CTC1: variants seen among roughly 807,000 people sequenced by gnomAD.
CTC1 encodes CST telomere replication complex component 1, also known as CST complex subunit CTC1.
In CTC1, 91 loss-of-function variants were observed where a neutral mutation model predicts 136.3. That is an observed-to-expected ratio of 0.67 (90% CI 0.56 to 0.79). The LOEUF (loss-of-function observed/expected upper bound fraction) is 0.79, where lower values mean the gene tolerates loss of function less well. CTC1 is among the 30% of genes least tolerant of loss of function. The pLI is 0.00. For missense variants in CTC1, 1,432 were observed against 1,498.1 expected, an observed-to-expected ratio of 0.96 and a Z score of 0.73; for synonymous variants, 606 against 613.8, an observed-to-expected ratio of 0.99 and a Z score of 0.19.
rs564713162 is a variant in CTC1 at position 8,226,153 on chromosome 17, A to C, written c.*2027T>G. ...GTGGGTGCTATGAGTGCAGAACAGA[A>C]ACTCTTACGCGTTCTGATATAAAAA... On this transcript the variant is annotated 3_prime_UTR_variant, in exon 23 of 23. Coordinates refer to ENST00000651323, the MANE Select transcript of CTC1 (RefSeq NM_025099.6). 1.0e-3 allele frequency: 155 copies of C among 152,272 alleles called. No individual in the cohort carries two copies. Among genetic ancestry groups the C allele is most frequent in the African/African-American group, 3.2e-3 (134 of 41,542 alleles). 9.4% of individuals were successfully genotyped at this position (152,272 alleles called of 1,614,324 possible).
At chr17:8,235,443 C>T (rs1467303461) in intron 7 of CTC1, 158 bp from the exon 8 acceptor site, 2 of 624,042 alleles carry the variant, frequency 3.2e-6, no homozygotes, top group Non-Finnish European at 5.6e-6. Flanking sequence ...CAACCCACTC[C>T]CGCTGCGGTC....
intron 2 of CTC1, among the ~76,000 whole-genome samples, chr17:8,239,489 T>C (rs1233514622): frequency 6.6e-6 from 1 of 152,168 alleles, no homozygotes; most frequent in East Asian, 1.9e-4. Context: ...TTCACCTTTT[T>C]GTAATACCAT....
In CTC1 at chr17:8,232,044, G is replaced by A. The variant is rs758516017; in HGVS notation, c.2244C>T (p.Val748=). The A allele has an allele frequency of 5.7e-6, 9 of 1,575,632 alleles. No individual in the cohort carries two copies. The Admixed American group carries it at 9.8e-5, about 17-fold the overall frequency. Residue 748 remains valine (V), a synonymous_variant, in exon 13 of 23, where the codon GTC becomes GTT. Coordinates refer to ENST00000651323, the MANE Select transcript of CTC1 (RefSeq NM_025099.6). ...GCACCTCTGGACTTGCTCCTGGGGGGACACAAAAATTACGCTTCATGAGGG... is the reference window on the plus strand; with the variant it reads ...GCACCTCTGGACTTGCTCCTGGGGGAACACAAAAATTACGCTTCATGAGGG... ...KEALMKRNFC[V]PPGASPEVPK...
intron 18 of CTC1, 87 bp downstream of exon 18, chr17:8,229,804 A>C (rs1398942778): frequency 8.7e-7 from 1 of 1,152,720 alleles, no homozygotes; most frequent in East Asian, 2.4e-5. Flanking sequence ...GAAGACTGTA[A>C]TGATGGCAAA....
intron 15 of CTC1, 137 bp downstream of exon 15, chr17:8,231,139 T>TA: frequency 1.4e-6 from 1 of 725,658 alleles, no homozygotes; most frequent in South Asian, 2.2e-5. Context: ...AGACTCCGTC[T>TA]CAAAAAAAAA....
At chr17:8,240,605 C>A (rs113401988) in intron 2 of CTC1, among the ~76,000 whole-genome samples, 1 of 152,046 alleles carries the variant, frequency 6.6e-6, no homozygotes, top group Non-Finnish European at 1.5e-5. Flanking sequence ...TTAGGCCAAG[C>A]GCAGTGGCTC....
rs878855127 is a variant in CTC1, at chr17:8,230,291, C to T, written c.2933+3G>A. On this transcript the variant is annotated splice_donor_region_variant and intron_variant, in intron 17 of 22. Transcript: ENST00000651323. ...GGAGGCAGGTGACACTACACATCTT[C>T]ACCTGGAAACCCTTTTCTCCAACTG... The T allele has an allele frequency of 6.2e-7, 1 of 1,608,274 alleles. No homozygotes were observed. The highest frequency in any genetic ancestry group is 8.5e-7 in the Non-Finnish European group (1 of 1,177,854).
intron 7 of CTC1, 110 bp from the exon 8 acceptor site, chr17:8,235,395 G>T: frequency 1.3e-6 from 1 of 798,486 alleles, no homozygotes; most frequent in Non-Finnish European, 2.0e-6. Flanking sequence ...AAGACGGAAA[G>T]CAATTTCTCC....
intron 21 of CTC1, 23 bp downstream of exon 21, chr17:8,228,704 C>T: frequency 1.9e-6 from 3 of 1,613,948 alleles, no homozygotes; most frequent in Non-Finnish European, 1.7e-6. Context: ...TATCCGAGTC[C>T]CTCCCTCCCA....
intron 5 of CTC1, 57 bp downstream of exon 5, chr17:8,237,318 A>G: frequency 1.2e-6 from 2 of 1,600,462 alleles, no homozygotes; most frequent in Non-Finnish European, 1.7e-6. Context: ...TATCTTTCCT[A>G]CTGAAAGTTC....
intron 2 of CTC1, among the ~76,000 whole-genome samples, chr17:8,241,878 G>A (rs796125960): frequency 2.8e-4 from 41 of 146,474 alleles, no homozygotes; most frequent in African/African-American, 6.0e-4. Flanking sequence ...AGCAAATCAC[G>A]GAGGGTATTT....
intron 22 of CTC1, 69 bp downstream of exon 22, chr17:8,228,434 C>T (rs1408967123): frequency 6.2e-7 from 1 of 1,611,886 alleles, no homozygotes; most frequent in Non-Finnish European, 8.5e-7. Context: ...CCCTCTTCCT[C>T]CCAGGGACCC....
At chr17:8,241,484 G>A (rs1342405361) in intron 2 of CTC1, among the ~76,000 whole-genome samples, 2 of 151,142 alleles carry the variant, frequency 1.3e-5, no homozygotes, top group Non-Finnish European at 2.9e-5. Context: ...CTGGTGTGGT[G>A]GCGCATAGTC....
chr17:8,226,053 T>G lies in CTC1; in HGVS notation c.*2127A>C, dbSNP rs1986605875. On this transcript the variant is annotated 3_prime_UTR_variant, in exon 23 of 23. Transcript: ENST00000651323. ...AAGGACCCTTAGGCCTATGCAACAT[T>G]TCTGCCCCTAAGTTAGAGAACCACC... 1 of 152,116 alleles carries G rather than the reference T, an allele frequency of 6.6e-6. No homozygotes were observed. Among genetic ancestry groups the G allele is most frequent in the Non-Finnish European group, 1.5e-5 (1 of 68,014 alleles). 9.4% of individuals were successfully genotyped at this position (152,116 alleles called of 1,614,324 possible). A position where few individuals can be genotyped will look rare whatever the true frequency, so the allele number is the denominator to read the frequency against.
rs1301899945 is a variant in CTC1, at chr17:8,230,441, A to C, written c.2786T>G (p.Val929Gly). ...LGNTGAMRRC[V>G]KLTVALETAE... ...AGTCTCAAGAGCGACTGTTAGCTTC[A>C]CACACCTTCTCATGGCCCCCGTGTT... is the stretch of plus-strand genomic sequence containing the variant. The change falls in exon 17 of 23, where the codon GTG becomes GGG. Residue 929 changes from valine to glycine, a missense_variant. Physicochemically the swap from Val to Gly is moderately radical, Grantham distance 109. Coordinates refer to ENST00000651323, the MANE Select transcript of CTC1 (RefSeq NM_025099.6). 6.2e-7 allele frequency: 1 copy of C among 1,614,076 alleles called. No homozygotes were observed. Among genetic ancestry groups the C allele is most frequent in the East Asian group, 2.2e-5 (1 of 44,882 alleles).
rs1207964901 is a variant in CTC1, at chr17:8,227,995, C to G, written c.*185G>C. Reference sequence around the variant, plus strand: ...GACATATTAATAGGGCCATGATTTCCTGTTGCCACAATTTTGCCAAGGCAG... The same window carrying G: ...GACATATTAATAGGGCCATGATTTCGTGTTGCCACAATTTTGCCAAGGCAG... On this transcript the variant is annotated 3_prime_UTR_variant, in exon 23 of 23. Coordinates refer to ENST00000651323, the MANE Select transcript of CTC1 (RefSeq NM_025099.6). 1 of 593,886 alleles carries G rather than the reference C, an allele frequency of 1.7e-6. No individual in the cohort carries two copies. Among genetic ancestry groups the G allele is most frequent in the South Asian group, 2.2e-5 (1 of 45,508 alleles). 36.8% of individuals were successfully genotyped at this position (593,886 alleles called of 1,614,324 possible).
In CTC1 at chr17:8,228,882, C is replaced by T; in HGVS notation, c.3232G>A (p.Glu1078Lys). 6.2e-7 allele frequency: 1 copy of T among 1,612,866 alleles called. No individual in the cohort carries two copies. Among genetic ancestry groups the T allele is most frequent in the South Asian group, 1.1e-5 (1 of 90,914 alleles). Residue 1078 changes from glutamate to lysine, a missense_variant, in exon 21 of 23, where the codon GAG becomes AAG. Glu to Lys is a moderately conservative substitution (Grantham distance 56, BLOSUM62 1). Coordinates refer to ENST00000651323, the MANE Select transcript of CTC1 (RefSeq NM_025099.6). ...ACCACGGCTTCGGCAGTCCCATCCT[C>T]CACCAGGAGCCTATGGGGAGCAGGA... ...ISQAIIRLLV[E>K]DGTAEAVVTC...
rs1986664920 is a variant in CTC1, at chr17:8,226,348, T to C, written c.*1832A>G. 1 of 152,160 alleles carries C rather than the reference T, an allele frequency of 6.6e-6. No individual in the cohort carries two copies. Among genetic ancestry groups the C allele is most frequent in the Admixed American group, 6.6e-5 (1 of 15,266 alleles). 9.4% of individuals were successfully genotyped at this position (152,160 alleles called of 1,614,324 possible). A position where few individuals can be genotyped will look rare whatever the true frequency, so the allele number is the denominator to read the frequency against. On this transcript the variant is annotated 3_prime_UTR_variant, in exon 23 of 23. Coordinates refer to ENST00000651323, the MANE Select transcript of CTC1 (RefSeq NM_025099.6). ...GGTTCCTGAAATTCATCTACAAGAA[T>C]ATAGAGCTAGGAACCCGGACCGAGC...
intron 2 of CTC1, among the ~76,000 whole-genome samples, chr17:8,240,156 C>CT (rs397969607): frequency 0.41 from 56,812 of 139,948 alleles, 12,210 homozygotes; most frequent in Non-Finnish European, 0.49. Context: ...AGAACTGTCT[C>CT]TTTTTTTTTT....
Sources: gnomAD v4.1 joint callset for allele counts (sites outside exome capture counted in the v4.1 genomes callset) on GRCh38, gnomAD v4.1.1 for gene constraint, MANE v1.5 for transcripts, NCBI Gene and HGNC (gene_info 2026-07-23, HGNC 2026-07-21) for gene names.